ENTHD1: variants seen among roughly 807,000 people sequenced by gnomAD.
The protein encoded by ENTHD1 is ENTH domain-containing protein 1.
In ENTHD1, 23 loss-of-function variants were observed where a neutral mutation model predicts 39.1. The observed-to-expected ratio is 0.59, with a 90% confidence interval of 0.42 to 0.83. The LOEUF (loss-of-function observed/expected upper bound fraction) is 0.83, where lower values mean the gene tolerates loss of function less well. ENTHD1 is among the 40% of genes least tolerant of loss of function. The pLI is 0.00. For missense variants in ENTHD1, 624 were observed against 705.4 expected, an observed-to-expected ratio of 0.88 and a Z score of 1.31; for synonymous variants, 230 against 258.2, an observed-to-expected ratio of 0.89 and a Z score of 1.05.
In ENTHD1 at chr22:39,799,666, C is replaced by T. The variant is rs147750806; in HGVS notation, c.832+21327G>A. 3.2e-3 allele frequency among the ~76,000 whole-genome samples: 489 copies of T among 152,294 alleles called. 5 individuals carry two copies. The highest frequency in any genetic ancestry group is 0.011 in the African/African-American group (469 of 41,538). On this transcript the variant is annotated intron_variant, in intron 5 of 6. Coordinates refer to ENST00000325157, the MANE Select transcript of ENTHD1 (RefSeq NM_152512.4). The stretch of plus-strand genomic sequence containing the variant: ...GTGGCTCCAGCCCATTCGTCCAGTG[C>T]GCATGCAAGCTCTTAGTCTGAGCCA...
chr22:39,792,722 T>C (rs1265593918), intron 5 of ENTHD1, among the ~76,000 whole-genome samples: 1 of 152,120 alleles, frequency 6.6e-6, no homozygotes, highest in Non-Finnish European at 1.5e-5. Context: ...ACAAACTGGC[T>C]CTATCTGGGC....
At chr22:39,756,263 G>A (rs1327035630) in intron 6 of ENTHD1, among the ~76,000 whole-genome samples, 1 of 150,948 alleles carries the variant, frequency 6.6e-6, no homozygotes, top group East Asian at 2.0e-4. Flanking sequence ...TTTGTTAAAT[G>A]TTGTTAAACC....
intron 2 of ENTHD1, among the ~76,000 whole-genome samples, chr22:39,884,891 A>G (rs1351487902): frequency 6.6e-6 from 1 of 152,200 alleles, no homozygotes; most frequent in Non-Finnish European, 1.5e-5. Flanking sequence ...AAAACTATAA[A>G]TGTCTTAGAA....
At chr22:39,850,743 C>T (rs1410337752) in intron 3 of ENTHD1, among the ~76,000 whole-genome samples, 1 of 152,062 alleles carries the variant, frequency 6.6e-6, no homozygotes, top group Non-Finnish European at 1.5e-5. Context: ...TAAAAGTTTA[C>T]AGTCAAAGAA....
intron 3 of ENTHD1, 71 bp from the exon 4 acceptor site, chr22:39,836,029 T>C: frequency 8.5e-7 from 1 of 1,172,546 alleles, no homozygotes; most frequent in Non-Finnish European, 1.2e-6. Context: ...AGTTCCCAAT[T>C]TGTAAGTTAA....
intron 2 of ENTHD1, among the ~76,000 whole-genome samples, chr22:39,887,015 T>C (rs1198158742): frequency 6.6e-6 from 1 of 151,990 alleles, no homozygotes; most frequent in Non-Finnish European, 1.5e-5. Flanking sequence ...TGTGTTCACT[T>C]TTTTTTTCCT....
chr22:39,852,337 A>G (rs77392481), intron 3 of ENTHD1, among the ~76,000 whole-genome samples: 15,545 of 152,178 alleles, frequency 0.1, 923 homozygotes, highest in Middle Eastern at 0.13. Context: ...ACAGAGTGAG[A>G]GCCTGTCTCA....
At chr22:39,848,765 T>A (rs1480400167) in intron 3 of ENTHD1, among the ~76,000 whole-genome samples, 1 of 152,180 alleles carries the variant, frequency 6.6e-6, no homozygotes, top group Admixed American at 6.5e-5. Flanking sequence ...TAAACACTTT[T>A]AAAAAATAAT....
chr22:39,859,810 A>C (rs1222179430), intron 3 of ENTHD1, among the ~76,000 whole-genome samples: 1 of 152,246 alleles, frequency 6.6e-6, no homozygotes, highest in East Asian at 1.9e-4. Context: ...ACATGCTATC[A>C]GAAAAATGGT....
chr22:39,838,898 G>T (rs1381244773), intron 3 of ENTHD1, among the ~76,000 whole-genome samples: 3 of 151,630 alleles, frequency 2.0e-5, no homozygotes, highest in African/African-American at 4.8e-5. Flanking sequence ...GAGAGAAAAG[G>T]GAATAATGTA....
Position 39,758,239 on chromosome 22 carries a change from A to G in ENTHD1, c.1219+6984T>C, listed in dbSNP as rs1444098917. Among the ~76,000 whole-genome samples, 7 of 152,150 alleles carry G rather than the reference A, an allele frequency of 4.6e-5. 1 individual carries two copies. The South Asian group carries it at 1.0e-3, about 23-fold the overall frequency. On this transcript the variant is annotated intron_variant, in intron 6 of 6. Transcript: ENST00000325157. ...AAAAACATTTTATTTCTTCCTTTCC[A>G]ATACATATGCCTTTTATTTATTTTT...
At chr22:39,812,393 C>T (rs2065695117) in intron 5 of ENTHD1, among the ~76,000 whole-genome samples, 1 of 152,106 alleles carries the variant, frequency 6.6e-6, no homozygotes, top group Admixed American at 6.5e-5. Context: ...TGGGTATTGG[C>T]CGGGGACTTA....
chr22:39,794,803 C>CA (rs751655466), intron 5 of ENTHD1, among the ~76,000 whole-genome samples: 2,509 of 82,258 alleles, frequency 0.031, 34 homozygotes, highest in African/African-American at 0.053. Context: ...GACTCCATCT[C>CA]AAAAAAAAAA....
chr22:39,765,170 T>G, intron 6 of ENTHD1, 53 bp downstream of exon 6: 1 of 1,379,554 alleles, frequency 7.2e-7, no homozygotes, highest in African/African-American at 1.6e-5. Context: ...CAAAAGAGGT[T>G]TTTTGTTGTG....
At chr22:39,890,135 T>C (rs1190588210) in intron 1 of ENTHD1, among the ~76,000 whole-genome samples, 1 of 148,968 alleles carries the variant, frequency 6.7e-6, no homozygotes, top group Non-Finnish European at 1.5e-5. Context: ...AATAAATAAA[T>C]AAATAAATAA....
chr22:39,850,717 C>T (rs1371843287), intron 3 of ENTHD1, among the ~76,000 whole-genome samples: 1 of 152,066 alleles, frequency 6.6e-6, no homozygotes, highest in Non-Finnish European at 1.5e-5. Context: ...GAAAGTTTAT[C>T]ATGCACGTTT....
chr22:39,888,908 G>A (rs143174020), intron 1 of ENTHD1, among the ~76,000 whole-genome samples: 2,946 of 152,136 alleles, frequency 0.019, 43 homozygotes, highest in Non-Finnish European at 0.03. Flanking sequence ...TAAAATGGGG[G>A]TAAAATTGAG....
chr22:39,748,677 C>G (rs1162999932), intron 6 of ENTHD1, among the ~76,000 whole-genome samples: 1 of 152,036 alleles, frequency 6.6e-6, no homozygotes, highest in South Asian at 2.1e-4. Context: ...CCTGCCTAGG[C>G]CTCCCAAAGT....
chr22:39,891,885 G>A lies in ENTHD1; in HGVS notation c.-156+1810C>T, dbSNP rs567656949. Among the ~76,000 whole-genome samples the A allele has an allele frequency of 6.6e-5, 10 of 152,186 alleles. No individual in the cohort carries two copies. The East Asian group carries it at 1.9e-3, about 29-fold the overall frequency. ...TCCGCCTGCCTCGGCCTCCCAGAGT[G>A]CTGGGATTACAGGTGTGAGCCACCG... On this transcript the variant is annotated intron_variant, in intron 1 of 6. Transcript: ENST00000325157.
Sources: gnomAD v4.1 joint callset for allele counts (sites outside exome capture counted in the v4.1 genomes callset) on GRCh38, gnomAD v4.1.1 for gene constraint, MANE v1.5 for transcripts, NCBI Gene and HGNC (gene_info 2026-07-23, HGNC 2026-07-21) for gene names.